The following FSTL4 variants were observed in gnomAD, a reference collection of about 807,000 sequenced individuals.
The protein encoded by FSTL4 is follistatin-related protein 4.
Under a neutral mutation model 78.2 loss-of-function variants are expected in FSTL4, and 28 were observed. The ratio of observed to expected loss-of-function variants is 0.36; its 90% CI spans 0.27 to 0.49. The LOEUF is 0.49. FSTL4 is among the 20% of genes least tolerant of loss of function. FSTL4 has a pLI of 0.98. For missense variants in FSTL4, 922 were observed against 1,084.9 expected (o/e 0.85, Z 2.11); for synonymous variants, 422 against 440.5 (o/e 0.96, Z 0.53).
the FSTL4 span, among the ~76,000 whole-genome samples, chr5:133,718,719 G>A: frequency 6.6e-6 from 1 of 152,224 alleles, no homozygotes; most frequent in East Asian, 1.9e-4. Context: ...TACAGATTTG[G>A]CCTCTGAGTG....
At chr5:133,619,367 C>G in the FSTL4 span, among the ~76,000 whole-genome samples, 9 of 152,128 alleles carry the variant, frequency 5.9e-5, no homozygotes, top group African/African-American at 2.2e-4. Context: ...GATTTATTTT[C>G]CTTCCTACTT....
the FSTL4 span, among the ~76,000 whole-genome samples, chr5:133,757,947 C>T: frequency 2.0e-5 from 3 of 152,086 alleles, no homozygotes. Context: ...AGCCTGGAGC[C>T]CTGTGAGAGC....
At chr5:133,251,628 T>C (rs1423719298) in intron 6 of FSTL4, among the ~76,000 whole-genome samples, 1 of 152,274 alleles carries the variant, frequency 6.6e-6, no homozygotes, top group Non-Finnish European at 1.5e-5. Context: ...GTCAGAGAGA[T>C]GGATTTGCAA....
intron 3 of FSTL4, among the ~76,000 whole-genome samples, chr5:133,478,458 T>C (rs1166803224): frequency 6.6e-6 from 1 of 151,244 alleles, no homozygotes; most frequent in African/African-American, 2.4e-5. Flanking sequence ...GGATAAATAA[T>C]GCATTTTCAG....
chr5:133,711,287 T>A, the FSTL4 span, among the ~76,000 whole-genome samples: 23 of 152,278 alleles, frequency 1.5e-4, no homozygotes, highest in African/African-American at 5.3e-4. Flanking sequence ...TCTAATACAC[T>A]GTGTGAGGCA....
intron 7 of FSTL4, among the ~76,000 whole-genome samples, chr5:133,234,345 A>C (rs7723422): frequency 0.045 from 6,806 of 152,336 alleles, 514 homozygotes; most frequent in African/African-American, 0.15. Context: ...CAGCACTGTC[A>C]TCTCTGCAGC....
chr5:133,297,290 A>G (rs191264933), intron 6 of FSTL4, among the ~76,000 whole-genome samples: 4 of 152,290 alleles, frequency 2.6e-5, no homozygotes, highest in Admixed American at 1.3e-4. Flanking sequence ...GGTTTTCATG[A>G]TTAAATCAGG....
At chr5:133,624,789 T>C in the FSTL4 span, among the ~76,000 whole-genome samples, 1 of 151,840 alleles carries the variant, frequency 6.6e-6, no homozygotes, top group African/African-American at 2.4e-5. Context: ...TGGTCTTTTA[T>C]CTTTCTGTAT....
intron 3 of FSTL4, among the ~76,000 whole-genome samples, chr5:133,516,534 A>C (rs1388449580): frequency 6.6e-6 from 1 of 152,250 alleles, no homozygotes; most frequent in Admixed American, 6.5e-5. Flanking sequence ...TGTGTCCCTG[A>C]ATAGGAAAAT....
At chr5:133,356,502 G>C (rs1309946097) in intron 4 of FSTL4, among the ~76,000 whole-genome samples, 1 of 152,188 alleles carries the variant, frequency 6.6e-6, no homozygotes, top group Non-Finnish European at 1.5e-5. Flanking sequence ...CCTCCCCTGG[G>C]GAGAGGCCAG....
At chr5:133,525,504 G>GT (rs1759075471) in intron 3 of FSTL4, among the ~76,000 whole-genome samples, 1 of 152,234 alleles carries the variant, frequency 6.6e-6, no homozygotes, top group African/African-American at 2.4e-5. Flanking sequence ...TTGATGGTGA[G>GT]TGGGGGGAGT....
At chr5:133,719,396 G>A in the FSTL4 span, among the ~76,000 whole-genome samples, 3 of 152,068 alleles carry the variant, frequency 2.0e-5, no homozygotes, top group East Asian at 1.9e-4. Context: ...GAGGCCAGGC[G>A]CGATGGCTCA....
chr5:133,810,392 A>T, the FSTL4 span, among the ~76,000 whole-genome samples: 1 of 152,196 alleles, frequency 6.6e-6, no homozygotes, highest in South Asian at 2.1e-4. Flanking sequence ...CCTCATGCCA[A>T]ATTAATCAGC....
intron 3 of FSTL4, among the ~76,000 whole-genome samples, chr5:133,450,390 A>G (rs1319601529): frequency 6.6e-6 from 1 of 152,214 alleles, no homozygotes; most frequent in Non-Finnish European, 1.5e-5. Flanking sequence ...ACTGTGCCCT[A>G]ATGGCTGGGG....
chr5:133,580,971 T>C (rs1474217767), intron 2 of FSTL4, among the ~76,000 whole-genome samples: 1 of 152,144 alleles, frequency 6.6e-6, no homozygotes, highest in East Asian at 1.9e-4. Flanking sequence ...ACCTCCACCA[T>C]GTGTGCCTCA....
At chr5:133,756,142 T>C in the FSTL4 span, among the ~76,000 whole-genome samples, 3 of 151,438 alleles carry the variant, frequency 2.0e-5, no homozygotes, top group African/African-American at 7.3e-5. Flanking sequence ...GCTGAGAAAG[T>C]GGTGTTTGGG....
chr5:133,661,340 C>T, the FSTL4 span, among the ~76,000 whole-genome samples: 20 of 152,134 alleles, frequency 1.3e-4, no homozygotes, highest in Non-Finnish European at 2.2e-4. Flanking sequence ...GGAAAACCAC[C>T]GAAGTGCTCT....
intron 4 of FSTL4, among the ~76,000 whole-genome samples, chr5:133,385,581 C>T (rs971948152): frequency 7.9e-5 from 12 of 152,184 alleles, no homozygotes; most frequent in Admixed American, 5.9e-4. Flanking sequence ...GTTAGCAGCT[C>T]GGTCCTGAGC....
intron 4 of FSTL4, among the ~76,000 whole-genome samples, chr5:133,395,333 C>T (rs896869697): frequency 7.2e-5 from 11 of 152,268 alleles, no homozygotes; most frequent in South Asian, 4.2e-4. Flanking sequence ...ACTCCAGACG[C>T]GCCGCCTTAA....
Sources: allele counts gnomAD v4.1 joint callset (sites outside exome capture counted in the v4.1 genomes callset), GRCh38; gene constraint gnomAD v4.1.1; transcripts MANE v1.5; gene names NCBI Gene and HGNC (gene_info 2026-07-23, HGNC 2026-07-21).